The following MED17 variants were observed in gnomAD, a reference collection of about 807,000 sequenced individuals.
MED17 encodes the protein mediator of RNA polymerase II transcription subunit 17.
MED17 carries 49 observed loss-of-function variants against 80.8 expected under a neutral mutation model. The observed-to-expected ratio is 0.61, with a 90% CI of 0.48 to 0.77. The LOEUF is 0.77. Among genes scored for constraint, MED17 ranks in the 30% least tolerant of loss-of-function variants. The probability of loss-of-function intolerance (pLI) is 0.00; values close to 1 mark genes in which losing one functional copy is unlikely to be tolerated. For synonymous variants in MED17, 281 were observed against 280.4 expected (o/e 1.00, Z -0.02); for missense variants, 718 against 787.0 (o/e 0.91, Z 1.05).
At chr11:93,786,974 T>A (rs78828668) in intron 1 of MED17, among the ~76,000 whole-genome samples, 3,078 of 152,078 alleles carry the variant, frequency 0.02, 120 homozygotes, top group African/African-American at 0.071. Flanking sequence ...TTCCAGAATA[T>A]CATACAGTGT....
chr11:93,812,440 C>A lies in MED17; in HGVS notation c.*376C>A, dbSNP rs998732574. 29 of 432,700 alleles carry A rather than the reference C, an allele frequency of 6.7e-5. No homozygotes were observed. The highest frequency in any genetic ancestry group is 6.2e-4 in the African/African-American group (28 of 45,438). The allele number at this position is 432,700 out of a possible 1,614,324, so 26.8% of individuals were successfully genotyped here. A position where few individuals can be genotyped will look rare whatever the true frequency, so the allele number is the denominator to read the frequency against. On this transcript the variant is annotated 3_prime_UTR_variant, in exon 12 of 12. Coordinates refer to ENST00000251871, the MANE Select transcript of MED17 (RefSeq NM_004268.5). ...ACCTTTTTTTCCCCCCAAATACTTT[C>A]TAAACTTTTTTTTTTTGAGATGGTA... is the stretch of plus-strand genomic sequence containing the variant.
intron 9 of MED17, among the ~76,000 whole-genome samples, chr11:93,805,388 G>T (rs1944012550): frequency 6.6e-6 from 1 of 152,068 alleles, no homozygotes; most frequent in South Asian, 2.1e-4. Context: ...TTCAAGCCCA[G>T]CCTGGCCAAC....
intron 2 of MED17, 166 bp downstream of exon 2, chr11:93,788,333 TA>T (rs1043756569): frequency 1.7e-6 from 1 of 604,078 alleles, no homozygotes; most frequent in African/African-American, 1.9e-5. Context: ...GCATTTCCTT[TA>T]TTTTTTTATT....
chr11:93,809,301 C>G (rs1394143759), intron 10 of MED17: 1 of 322,050 alleles, frequency 3.1e-6, no homozygotes, highest in Non-Finnish European at 6.1e-6. Context: ...CCTGCTGTCT[C>G]CCATTACCTG....
intron 2 of MED17, chr11:93,789,130 A>C (rs1248315909): frequency 1.3e-5 from 2 of 152,234 alleles, no homozygotes; most frequent in Non-Finnish European, 2.9e-5. Flanking sequence ...TAACCAAATT[A>C]GTCATGGAGA....
Position 93,790,931 on chromosome 11 carries a change from A to G in MED17, c.637+138A>G, listed in dbSNP as rs377237376. On this transcript the variant is annotated intron_variant, in intron 3 of 11. Coordinates refer to ENST00000251871, the MANE Select transcript of MED17 (RefSeq NM_004268.5). ...AGATGAGCCCAGGCAACATGGCAAA[A>G]CCCTATCTCTACCAAAAATGCAAAA... 2.6e-4 allele frequency: 197 copies of G among 765,694 alleles called. No individual in the cohort carries two copies. In the East Asian group the frequency reaches 3.7e-3, roughly 14 times the overall value. 47.4% of individuals were successfully genotyped at this position (765,694 alleles called of 1,614,324 possible).
chr11:93,807,284 G>A, intron 9 of MED17: 1 of 436,926 alleles, frequency 2.3e-6, no homozygotes, highest in East Asian at 4.7e-5. Flanking sequence ...ATGATGGCAG[G>A]TGCCTGTAAT....
chr11:93,808,051 C>T, intron 10 of MED17: 2 of 253,166 alleles, frequency 7.9e-6, no homozygotes, highest in South Asian at 9.5e-5. Context: ...ATCTCAAGTC[C>T]AAGGGGCAGT....
chr11:93,801,583 C>T (rs1943962184), intron 8 of MED17: 1 of 459,988 alleles, frequency 2.2e-6, no homozygotes, highest in Non-Finnish European at 4.0e-6. Context: ...AGGGAATAAA[C>T]CCATCATGAA....
intron 10 of MED17, chr11:93,808,457 CCTTT>C (rs1304913877): frequency 1.3e-5 from 2 of 150,538 alleles, no homozygotes; most frequent in Non-Finnish European, 3.0e-5. Context: ...AATTTCTAGC[CCTTT>C]CTTTTCATAT....
Position 93,807,590 on chromosome 11 carries a change from A to C in MED17, c.1539A>C (p.Thr513=). The C allele has an allele frequency of 6.2e-7, 1 of 1,613,488 alleles. No individual in the cohort carries two copies. Among genetic ancestry groups the C allele is most frequent in the Non-Finnish European group, 8.5e-7 (1 of 1,179,490 alleles). Residue 513 remains threonine, a synonymous_variant, in exon 10 of 12, where the codon ACA becomes ACC. Coordinates refer to ENST00000251871, the MANE Select transcript of MED17 (RefSeq NM_004268.5). ...TACATAGAGATGGAAGAGTAATTAC[A>C]CTGTCTTATCAGGAGCAGGAGCTAC... ...RVVHRDGRVI[T]LSYQEQELQD... is the part of the protein sequence containing the mutation.
At chr11:93,803,999 G>GTATATATATATA (rs1166820708) in intron 9 of MED17, among the ~76,000 whole-genome samples, 79 of 27,054 alleles carry the variant, frequency 2.9e-3, no homozygotes, top group Middle Eastern at 0.019. Flanking sequence ...ATATGTGTGT[G>GTATATATATATA]TATATATATA....
Position 93,807,185 on chromosome 11 carries a change from G to A in MED17, c.1467-333G>A, listed in dbSNP as rs140630862. 7,698 of 244,104 alleles carry A rather than the reference G, an allele frequency of 0.032. 180 individuals carry two copies. The highest frequency in any genetic ancestry group is 0.043 in the Non-Finnish European group (5,288 of 123,986). 15.1% of individuals were successfully genotyped at this position (244,104 alleles called of 1,614,324 possible). The stretch of plus-strand genomic sequence containing the variant: ...CCAGCACTTTGGGAGGCCGAGGCAG[G>A]TAGATCACTTCAGGTCAGGAGTTTG... On this transcript the variant is annotated intron_variant, in intron 9 of 11. Transcript: ENST00000251871.
intron 2 of MED17, chr11:93,789,233 C>G (rs920018595): frequency 5.9e-5 from 9 of 152,170 alleles, no homozygotes; most frequent in African/African-American, 2.2e-4. Context: ...AAACATTGTG[C>G]TGGGGGACTA....
Position 93,784,653 on chromosome 11 carries a change from T to G in MED17, c.140T>G (p.Ile47Arg). The change falls in exon 1 of 12, where the codon ATA (isoleucine) becomes AGA (arginine). Residue 47 changes from isoleucine (I) to arginine (R), a missense_variant. Physicochemically the swap from Ile to Arg is moderately conservative, Grantham distance 97 (BLOSUM62 -3). Transcript: ENST00000251871. ...AATCTGGCGCGTCTGGCCCAGCGGA[T>G]AGACTTCAGCCAGGGTTCGGGCTCC... ...SQNLARLAQR[I>R]DFSQGSGSEE... The G allele has an allele frequency of 6.4e-7, 1 of 1,569,752 alleles. No individual in the cohort carries two copies. Among genetic ancestry groups the G allele is most frequent in the Non-Finnish European group, 8.6e-7 (1 of 1,158,274 alleles).
At position 93,793,599 on chromosome 11, in the gene MED17, CAT is replaced by C. The variant is rs973873874; in HGVS notation, c.638-126_638-125del. 77 of 703,242 alleles carry C rather than the reference CAT, an allele frequency of 1.1e-4. 1 individual carries two copies. Among genetic ancestry groups the C allele is most frequent in the South Asian group, 3.6e-5 (2 of 55,848 alleles). 43.6% of individuals were successfully genotyped at this position (703,242 alleles called of 1,614,324 possible). A position where few individuals can be genotyped will look rare whatever the true frequency, so the allele number is the denominator to read the frequency against. ...CATTCCTCACCCTTTTCCCCCAAAA[CAT>C]ATGTTTTTTAGTGGGGACTTACTTT... On this transcript the variant is annotated intron_variant, in intron 3 of 11. Transcript: ENST00000251871.
intron 5 of MED17, 150 bp from the exon 6 acceptor site, chr11:93,794,758 C>T (rs1445980227): frequency 1.6e-5 from 13 of 815,044 alleles, no homozygotes; most frequent in Non-Finnish European, 2.3e-5. Flanking sequence ...CAATTTTTGA[C>T]AGTCTCTATA....
intron 6 of MED17, 143 bp from the exon 7 acceptor site, chr11:93,796,267 A>G (rs937951172): frequency 7.1e-6 from 6 of 849,754 alleles, no homozygotes; most frequent in Middle Eastern, 3.6e-4. Context: ...TAATCTTGAT[A>G]TACAGATGTT....
At chr11:93,790,816 A>G (rs754047054) in intron 3 of MED17, 23 bp downstream of exon 3, 8 of 1,602,852 alleles carry the variant, frequency 5.0e-6, no homozygotes, top group African/African-American at 1.3e-5. Context: ...ATTAAAAACT[A>G]TACTTTCTGG....
Sources: gnomAD v4.1 joint callset for allele counts (sites outside exome capture counted in the v4.1 genomes callset) on GRCh38, gnomAD v4.1.1 for gene constraint, MANE v1.5 for transcripts, NCBI Gene and HGNC (gene_info 2026-07-23, HGNC 2026-07-21) for gene names.